The following VSTM2B variants were observed in gnomAD, a reference collection of about 807,000 sequenced individuals.
VSTM2B encodes the protein V-set and transmembrane domain-containing protein 2B.
In VSTM2B, 24 loss-of-function variants were observed where a neutral mutation model predicts 24.0. The observed-to-expected ratio is 1.00, with a 90% CI of 0.72 to 1.40. VSTM2B has a LOEUF of 1.40. Among genes scored for constraint, VSTM2B ranks in the 40% most tolerant of loss-of-function variants. The pLI is 0.00. For missense variants in VSTM2B, 399 were observed against 416.4 expected, an observed-to-expected ratio of 0.96 and a Z score of 0.36; for synonymous variants, 226 against 194.4, an observed-to-expected ratio of 1.16 and a Z score of -1.35.
intron 4 of VSTM2B, among the ~76,000 whole-genome samples, chr19:29,536,043 G>A (rs1215153511): frequency 6.6e-6 from 1 of 152,214 alleles, no homozygotes; most frequent in Non-Finnish European, 1.5e-5. Flanking sequence ...GGAAATGGCT[G>A]AGCCTCACAG....
At chr19:29,529,139 C>A in intron 3 of VSTM2B, 1 of 985,274 alleles carries the variant, frequency 1.0e-6, no homozygotes, top group Non-Finnish European at 1.2e-6. Flanking sequence ...TAGAGCAGTA[C>A]TTCCCGAAGT....
chr19:29,562,784 G>A (rs1970563243), intron 4 of VSTM2B, among the ~76,000 whole-genome samples: 1 of 152,288 alleles, frequency 6.6e-6, no homozygotes, highest in African/African-American at 2.4e-5. Flanking sequence ...CTTAAAACAG[G>A]TGAAGACCCT....
At chr19:29,544,217 T>C (rs1398500205) in intron 4 of VSTM2B, among the ~76,000 whole-genome samples, 1 of 151,704 alleles carries the variant, frequency 6.6e-6, no homozygotes, top group Non-Finnish European at 1.5e-5. Context: ...AGGGAAGAAT[T>C]TGAAGTGGCT....
chr19:29,541,549 T>C (rs1423583956), intron 4 of VSTM2B, among the ~76,000 whole-genome samples: 1 of 150,706 alleles, frequency 6.6e-6, no homozygotes, highest in African/African-American at 2.4e-5. Flanking sequence ...AATAGATGGG[T>C]GGAAGGAAGG....
At chr19:29,544,233 A>G (rs1220404421) in intron 4 of VSTM2B, among the ~76,000 whole-genome samples, 1 of 151,880 alleles carries the variant, frequency 6.6e-6, no homozygotes, top group African/African-American at 2.4e-5. Context: ...TGGCTTATAA[A>G]ACTGAATGTG....
In VSTM2B at chr19:29,540,630, T is replaced by C. The variant is rs577911602; in HGVS notation, c.769+10340T>C. On this transcript the variant is annotated intron_variant, in intron 4 of 4. Coordinates refer to ENST00000335523, the MANE Select transcript of VSTM2B (RefSeq NM_001146339.2). ...CTGTTTCCCCACTGTCCTATATTCA[T>C]TGGACTTGGTACTAGTTCATTCATT... 6.2e-4 allele frequency among the ~76,000 whole-genome samples: 95 copies of C among 152,346 alleles called. 1 individual carries two copies. Among genetic ancestry groups the C allele is most frequent in the Non-Finnish European group, 4.9e-4 (33 of 68,030 alleles).
In VSTM2B at chr19:29,526,226, G is replaced by A. The variant is rs1366158503; in HGVS notation, c.-358G>A. On this transcript the variant is annotated 5_prime_UTR_variant, in exon 1 of 5. Transcript: ENST00000335523. The surrounding 1 kb of genome is among the most constrained non-coding windows in gnomAD (Gnocchi z 4.1). ...TCCGTGGCACGCACTCCCTCGGCCA[G>A]GGATGGGTCCCGGCGCGGCCCAGCC... Among the ~76,000 whole-genome samples the A allele has an allele frequency of 2.6e-5, 4 of 152,014 alleles. No individual in the cohort carries two copies. The highest frequency in any genetic ancestry group is 5.9e-5 in the Non-Finnish European group (4 of 67,962).
At chr19:29,547,579 G>T (rs577900928) in intron 4 of VSTM2B, among the ~76,000 whole-genome samples, 1 of 152,202 alleles carries the variant, frequency 6.6e-6, no homozygotes. Context: ...TGGGGGCTGA[G>T]GAGAGAGGGA....
chr19:29,545,766 G>T (rs762750869), intron 4 of VSTM2B, among the ~76,000 whole-genome samples: 1 of 152,186 alleles, frequency 6.6e-6, no homozygotes, highest in Non-Finnish European at 1.5e-5. Context: ...TGTGTTTGCT[G>T]TTGTGAGTCA....
At chr19:29,535,683 G>A (rs1369557018) in intron 4 of VSTM2B, among the ~76,000 whole-genome samples, 1 of 152,222 alleles carries the variant, frequency 6.6e-6, no homozygotes, top group South Asian at 2.1e-4. Flanking sequence ...GCAAGGTGGA[G>A]ACAGTCACTA....
chr19:29,535,665 G>A (rs187651179), intron 4 of VSTM2B, among the ~76,000 whole-genome samples: 1 of 152,326 alleles, frequency 6.6e-6, no homozygotes, highest in East Asian at 1.9e-4. Flanking sequence ...GACCAAAGGG[G>A]GCCGTGGGCA....
At chr19:29,535,855 G>C (rs935636916) in intron 4 of VSTM2B, among the ~76,000 whole-genome samples, 4 of 151,922 alleles carry the variant, frequency 2.6e-5, no homozygotes, top group African/African-American at 9.7e-5. Flanking sequence ...CCATCTCCCC[G>C]GACCCACGAG....
chr19:29,558,053 C>G (rs1014479193), intron 4 of VSTM2B, among the ~76,000 whole-genome samples: 4 of 152,024 alleles, frequency 2.6e-5, no homozygotes, highest in Non-Finnish European at 5.9e-5. Flanking sequence ...ACAGACACTT[C>G]TCAAAAGAAA....
chr19:29,527,573 C>T lies in VSTM2B; in HGVS notation c.267+178C>T, dbSNP rs186804013. Reference sequence around the variant, plus strand: ...AAAGTCAGCAGTGGTTACCCCCAAACCTGTCAATTATTTTGACAGCATCGC... The same window carrying T: ...AAAGTCAGCAGTGGTTACCCCCAAATCTGTCAATTATTTTGACAGCATCGC... On this transcript the variant is annotated intron_variant, in intron 2 of 4. Transcript: ENST00000335523. Among the ~76,000 whole-genome samples, 418 of 152,334 alleles carry T rather than the reference C, an allele frequency of 2.7e-3. 2 individuals are homozygous for T. The highest frequency in any genetic ancestry group is 9.6e-3 in the African/African-American group (398 of 41,586).
Position 29,564,512 on chromosome 19 carries a change from T to C in VSTM2B, c.*578T>C, listed in dbSNP as rs1392200435. ...ACTTGTTTATAAACTGTATTGTATATTGCTGAAGAACAGTTGAATAAAAAA... is the reference window on the plus strand; with the variant it reads ...ACTTGTTTATAAACTGTATTGTATACTGCTGAAGAACAGTTGAATAAAAAA... On this transcript the variant is annotated 3_prime_UTR_variant, in exon 5 of 5. Coordinates refer to ENST00000335523, the MANE Select transcript of VSTM2B (RefSeq NM_001146339.2). 6.6e-6 allele frequency: 1 copy of C among 152,320 alleles called. No individual in the cohort carries two copies. Among genetic ancestry groups the C allele is most frequent in the Non-Finnish European group, 1.5e-5 (1 of 68,096 alleles). 9.4% of individuals were successfully genotyped at this position (152,320 alleles called of 1,614,324 possible).
chr19:29,549,069 G>A (rs1375459171), intron 4 of VSTM2B, among the ~76,000 whole-genome samples: 4 of 152,232 alleles, frequency 2.6e-5, no homozygotes, highest in African/African-American at 9.6e-5. Context: ...TGGGGTTGCT[G>A]ATTCTGGGGC....
intron 3 of VSTM2B, chr19:29,529,013 T>C: frequency 1.0e-6 from 1 of 985,464 alleles, no homozygotes; most frequent in Non-Finnish European, 1.2e-6. Flanking sequence ...TTGCTAACTC[T>C]GGGAGGAGAT....
chr19:29,535,317 G>A (rs1445822131), intron 4 of VSTM2B, among the ~76,000 whole-genome samples: 3 of 152,152 alleles, frequency 2.0e-5, no homozygotes, highest in Non-Finnish European at 2.9e-5. Flanking sequence ...AAAGTCTAGC[G>A]CGGCCTCAAA....
chr19:29,545,600 T>G (rs1970135279), intron 4 of VSTM2B, among the ~76,000 whole-genome samples: 1 of 151,838 alleles, frequency 6.6e-6, no homozygotes, highest in Non-Finnish European at 1.5e-5. Flanking sequence ...GCGACAAGAG[T>G]GAAACTCCAT....
Sources: allele counts gnomAD v4.1 joint callset (sites outside exome capture counted in the v4.1 genomes callset), GRCh38; gene constraint gnomAD v4.1.1; non-coding constraint Gnocchi (gnomAD v3.1); transcripts MANE v1.5; gene names NCBI Gene and HGNC (gene_info 2026-07-23, HGNC 2026-07-21).